The following GPC6 variants were observed in gnomAD, a reference collection of about 807,000 sequenced individuals.
GPC6 encodes the protein glypican 6.
GPC6 carries 14 observed loss-of-function variants against 55.2 expected under a neutral mutation model. The ratio of observed to expected loss-of-function variants is 0.25; its 90% CI spans 0.17 to 0.40. The LOEUF (loss-of-function observed/expected upper bound fraction) is 0.40, where lower values mean the gene tolerates loss of function less well. Ranked by LOEUF, GPC6 falls within the 10% of genes least tolerant of loss-of-function variation. The pLI, the probability that GPC6 is intolerant of heterozygous loss-of-function variation, is 1.00. For synonymous variants in GPC6, 278 were observed against 259.6 expected (o/e 1.07, Z -0.68); for missense variants, 641 against 708.5 (o/e 0.90, Z 1.08).
chr13:93,593,820 A>ATGT (rs1877599244), intron 2 of GPC6, among the ~76,000 whole-genome samples: 1 of 152,158 alleles, frequency 6.6e-6, no homozygotes, highest in African/African-American at 2.4e-5. Flanking sequence ...ATTATATTAC[A>ATGT]TGTATGCAGT....
chr13:93,613,205 A>T (rs1028835404), intron 2 of GPC6, among the ~76,000 whole-genome samples: 1 of 152,170 alleles, frequency 6.6e-6, no homozygotes, highest in Non-Finnish European at 1.5e-5. Context: ...AACCAATGCC[A>T]CTAGTCTCTG....
chr13:94,145,139 G>GGATGGATC (rs1887516762), intron 4 of GPC6, among the ~76,000 whole-genome samples: 1 of 122,004 alleles, frequency 8.2e-6, no homozygotes, highest in Non-Finnish European at 1.9e-5. Context: ...ATGGATGGGT[G>GGATGGATC]GATGGATGGA....
intron 8 of GPC6, among the ~76,000 whole-genome samples, chr13:94,400,346 C>A (rs1881072283): frequency 6.6e-6 from 1 of 152,106 alleles, no homozygotes; most frequent in Admixed American, 6.5e-5. Flanking sequence ...CCAAAATCTC[C>A]TGTCATATTT....
intron 6 of GPC6, among the ~76,000 whole-genome samples, chr13:94,372,639 G>A (rs1259692826): frequency 1.3e-5 from 2 of 152,144 alleles, no homozygotes; most frequent in African/African-American, 2.4e-5. Flanking sequence ...GCTGGGGGAG[G>A]GGCGCCCGCC....
chr13:93,955,286 C>CACACAT (rs1735248440), intron 3 of GPC6, among the ~76,000 whole-genome samples: 2 of 147,092 alleles, frequency 1.4e-5, no homozygotes, highest in Admixed American at 6.7e-5. Context: ...CACACACACA[C>CACACAT]ACCTGCCAAA....
At chr13:93,298,518 T>G (rs1276904991) in intron 1 of GPC6, among the ~76,000 whole-genome samples, 1 of 152,182 alleles carries the variant, frequency 6.6e-6, no homozygotes. Flanking sequence ...CACTGTAGCC[T>G]TGACTTCCTG....
At chr13:93,301,016 T>A (rs1471110450) in intron 1 of GPC6, among the ~76,000 whole-genome samples, 1 of 148,138 alleles carries the variant, frequency 6.8e-6, no homozygotes, top group Non-Finnish European at 1.5e-5. Flanking sequence ...AGAAACTCCG[T>A]CTCAAAAAAA....
chr13:93,573,286 G>A (rs565030916), intron 2 of GPC6, among the ~76,000 whole-genome samples: 151 of 152,000 alleles, frequency 9.9e-4, no homozygotes, highest in African/African-American at 3.4e-3. Flanking sequence ...AAAACAGAAA[G>A]GGAATGTGGT....
intron 3 of GPC6, among the ~76,000 whole-genome samples, chr13:93,854,650 A>T (rs1017819180): frequency 1.4e-4 from 21 of 151,772 alleles, no homozygotes; most frequent in African/African-American, 5.1e-4. Context: ...ACATGGAATA[A>T]CGTTTTAATT....
At chr13:94,383,737 G>A (rs186717388) in intron 7 of GPC6, among the ~76,000 whole-genome samples, 1 of 152,172 alleles carries the variant, frequency 6.6e-6, no homozygotes, top group African/African-American at 2.4e-5. Context: ...CCATTCTCAT[G>A]CTGCTATAAA....
chr13:93,407,583 C>T (rs983827068), intron 1 of GPC6, among the ~76,000 whole-genome samples: 1 of 152,062 alleles, frequency 6.6e-6, no homozygotes, highest in African/African-American at 2.4e-5. Flanking sequence ...CAAGTACAGG[C>T]AGTTGTTTGA....
intron 4 of GPC6, among the ~76,000 whole-genome samples, chr13:94,173,920 G>A (rs553873972): frequency 6.6e-4 from 100 of 152,298 alleles, no homozygotes; most frequent in Admixed American, 3.9e-3. Context: ...ATTGCAAAGT[G>A]CTCAGGAATT....
At chr13:93,233,947 TAGTGCTAA>T (rs1340596398) in intron 1 of GPC6, among the ~76,000 whole-genome samples, 1 of 152,198 alleles carries the variant, frequency 6.6e-6, no homozygotes, top group Non-Finnish European at 1.5e-5. Context: ...AAAAGCCCAG[TAGTGCTAA>T]AGTCAAGTTT....
chr13:94,171,916 G>A (rs997489806), intron 4 of GPC6, among the ~76,000 whole-genome samples: 3 of 152,172 alleles, frequency 2.0e-5, no homozygotes, highest in Admixed American at 1.3e-4. Context: ...CATATGGAAG[G>A]TGTACTAGCT....
intron 2 of GPC6, among the ~76,000 whole-genome samples, chr13:93,669,047 A>G (rs550575190): frequency 1.3e-5 from 2 of 152,338 alleles, no homozygotes; most frequent in South Asian, 4.1e-4. Context: ...GCCATGAGGC[A>G]TAATCTTGTA....
At chr13:93,271,010 G>C (rs1333572641) in intron 1 of GPC6, among the ~76,000 whole-genome samples, 3 of 152,192 alleles carry the variant, frequency 2.0e-5, no homozygotes, top group East Asian at 3.9e-4. Context: ...ACAATCAGAA[G>C]CCTCTGCTGT....
chr13:94,343,714 T>G (rs1594189535), intron 6 of GPC6, among the ~76,000 whole-genome samples: 1 of 152,196 alleles, frequency 6.6e-6, no homozygotes, highest in Non-Finnish European at 1.5e-5. Context: ...TGAGAGCTTG[T>G]TTAAAACTTG....
At chr13:94,336,369 C>T (rs946830469) in intron 6 of GPC6, among the ~76,000 whole-genome samples, 1 of 152,252 alleles carries the variant, frequency 6.6e-6, no homozygotes, top group East Asian at 1.9e-4. Context: ...TGATTGCCCC[C>T]AAAGACCATC....
At chr13:93,758,168 G>A (rs1207885782) in intron 2 of GPC6, among the ~76,000 whole-genome samples, 1 of 152,150 alleles carries the variant, frequency 6.6e-6, no homozygotes, top group Non-Finnish European at 1.5e-5. Flanking sequence ...TTTTAGTTCA[G>A]TAGGCAGAGC....
Sources: allele counts gnomAD v4.1 joint callset (sites outside exome capture counted in the v4.1 genomes callset), GRCh38; gene constraint gnomAD v4.1.1; transcripts MANE v1.5; gene names NCBI Gene and HGNC (gene_info 2026-07-23, HGNC 2026-07-21).